Variants in TNFSF4 observed in about 807,000 individuals in gnomAD.
TNFSF4 encodes tumor necrosis factor ligand superfamily member 4.
TNFSF4 carries 4 observed loss-of-function variants against 7.3 expected under a neutral mutation model. That is an observed-to-expected ratio of 0.55 (90% CI 0.27 to 1.25). TNFSF4 has a LOEUF of 1.25. Ranked by LOEUF, TNFSF4 falls within the 50% of genes most tolerant of loss-of-function variation. The pLI, the probability that TNFSF4 is intolerant of heterozygous loss-of-function variation, is 0.12. For synonymous variants in TNFSF4, 76 were observed against 83.7 expected (o/e 0.91, Z 0.50); for missense variants, 181 against 208.8 (o/e 0.87, Z 0.82).
At chr1:173,269,191 G>T in the TNFSF4 span, among the ~76,000 whole-genome samples, 5 of 152,130 alleles carry the variant, frequency 3.3e-5, no homozygotes, top group Admixed American at 1.3e-4. Context: ...GGTCTAGGGA[G>T]TAGATAGAGG....
the TNFSF4 span, among the ~76,000 whole-genome samples, chr1:173,308,849 C>G: frequency 2.0e-5 from 3 of 151,920 alleles, no homozygotes; most frequent in Non-Finnish European, 2.9e-5. Context: ...ATGGCGTCCT[C>G]ATAAGACCTG....
At chr1:173,419,215 A>G in the TNFSF4 span, among the ~76,000 whole-genome samples, 9 of 151,864 alleles carry the variant, frequency 5.9e-5, no homozygotes, top group Non-Finnish European at 1.3e-4. Flanking sequence ...GGTGGCGGGC[A>G]CCTGTAGTCC....
intron 1 of TNFSF4, among the ~76,000 whole-genome samples, chr1:173,201,423 T>C (rs914418901): frequency 1.3e-5 from 2 of 152,226 alleles, no homozygotes; most frequent in African/African-American, 2.4e-5. Flanking sequence ...TTACAGTGTG[T>C]GTGTATGTGT....
the TNFSF4 span, among the ~76,000 whole-genome samples, chr1:173,295,475 C>T: frequency 6.6e-6 from 1 of 151,984 alleles, no homozygotes; most frequent in East Asian, 1.9e-4. Context: ...CCTTTGAAAG[C>T]TCTTGCTCAT....
chr1:173,345,888 G>A, the TNFSF4 span, among the ~76,000 whole-genome samples: 2 of 152,188 alleles, frequency 1.3e-5, no homozygotes, highest in Admixed American at 1.3e-4. Flanking sequence ...CAATCCCACT[G>A]GTACCTGAGG....
At chr1:173,401,205 G>C in the TNFSF4 span, among the ~76,000 whole-genome samples, 1 of 152,162 alleles carries the variant, frequency 6.6e-6, no homozygotes, top group African/African-American at 2.4e-5. Context: ...TGGGAAAAAG[G>C]TTATACATTT....
At chr1:173,311,833 C>A in the TNFSF4 span, among the ~76,000 whole-genome samples, 1 of 152,054 alleles carries the variant, frequency 6.6e-6, no homozygotes, top group East Asian at 1.9e-4. Context: ...CAATAAAATG[C>A]GGATTTGGAG....
the TNFSF4 span, among the ~76,000 whole-genome samples, chr1:173,307,752 C>A: frequency 6.6e-6 from 1 of 151,944 alleles, no homozygotes; most frequent in Non-Finnish European, 1.5e-5. Flanking sequence ...CACACACACA[C>A]ACGTGAGTCT....
the TNFSF4 span, among the ~76,000 whole-genome samples, chr1:173,442,795 C>T: frequency 4.0e-5 from 6 of 151,776 alleles, no homozygotes; most frequent in African/African-American, 1.2e-4. Context: ...GTGATCTGCT[C>T]GCCTCGGCCT....
At chr1:173,212,999 A>G in the TNFSF4 span, among the ~76,000 whole-genome samples, 2 of 152,174 alleles carry the variant, frequency 1.3e-5, no homozygotes, top group South Asian at 4.1e-4. Flanking sequence ...TTTGCCTGCA[A>G]TAGAGCTGAA....
the TNFSF4 span, among the ~76,000 whole-genome samples, chr1:173,255,174 G>A: frequency 1.3e-5 from 2 of 152,150 alleles, no homozygotes; most frequent in African/African-American, 4.8e-5. Flanking sequence ...TGTAACAAGG[G>A]TCAAAAAGAA....
the TNFSF4 span, among the ~76,000 whole-genome samples, chr1:173,395,034 AG>A: frequency 6.4e-5 from 5 of 77,674 alleles, no homozygotes; most frequent in African/African-American, 1.8e-4. Flanking sequence ...ATAGATAGAT[AG>A]ATGATAGATA....
At chr1:173,258,949 C>T in the TNFSF4 span, among the ~76,000 whole-genome samples, 1 of 152,018 alleles carries the variant, frequency 6.6e-6, no homozygotes. Flanking sequence ...TCTGAAGAGT[C>T]CAGGAAATTC....
the TNFSF4 span, among the ~76,000 whole-genome samples, chr1:173,449,354 T>C: frequency 6.6e-6 from 1 of 151,938 alleles, no homozygotes; most frequent in East Asian, 1.9e-4. Flanking sequence ...TCTTTCTTTT[T>C]TTTTTTTTCT....
the TNFSF4 span, among the ~76,000 whole-genome samples, chr1:173,353,535 T>C: frequency 6.6e-6 from 1 of 152,184 alleles, no homozygotes; most frequent in Non-Finnish European, 1.5e-5. Flanking sequence ...AAATAGTGTT[T>C]GGAAATGGGA....
the TNFSF4 span, among the ~76,000 whole-genome samples, chr1:173,346,888 C>T: frequency 6.6e-6 from 1 of 152,078 alleles, no homozygotes; most frequent in South Asian, 2.1e-4. Flanking sequence ...AAATCTCATC[C>T]ATTTATACAG....
At position 173,207,189 on chromosome 1, in the gene TNFSF4, G is replaced by C; in HGVS notation, c.-13C>G. 6.3e-7 allele frequency: 1 copy of C among 1,596,600 alleles called. No individual in the cohort carries two copies. Among genetic ancestry groups the C allele is most frequent in the Admixed American group, 1.7e-5 (1 of 59,194 alleles). ...GGACCCTTTCCATCTTCACAATCTG[G>C]GTAGAGGGAAGATGAAGATATGGAA... On this transcript the variant is annotated 5_prime_UTR_variant, in exon 1 of 3. Coordinates refer to ENST00000281834, the MANE Select transcript of TNFSF4 (RefSeq NM_003326.5).
At chr1:173,338,451 T>C in the TNFSF4 span, among the ~76,000 whole-genome samples, 2 of 152,186 alleles carry the variant, frequency 1.3e-5, no homozygotes, top group East Asian at 3.9e-4. Context: ...GATCTTACCA[T>C]GTACCCCACC....
the TNFSF4 span, among the ~76,000 whole-genome samples, chr1:173,343,268 G>C: frequency 1.7e-4 from 26 of 152,328 alleles, no homozygotes; most frequent in East Asian, 4.6e-3. Context: ...GGGAATTTCT[G>C]TCAGGGAAGG....
Sources: gnomAD v4.1 joint callset for allele counts (sites outside exome capture counted in the v4.1 genomes callset) on GRCh38, gnomAD v4.1.1 for gene constraint, MANE v1.5 for transcripts, NCBI Gene and HGNC (gene_info 2026-07-23, HGNC 2026-07-21) for gene names.